Variants in PHF3 observed in about 807,000 individuals in gnomAD.
PHF3 encodes the protein PHD finger protein 3.
Under a neutral mutation model 178.4 loss-of-function variants are expected in PHF3, and 41 were observed. The ratio of observed to expected loss-of-function variants is 0.23; its 90% CI spans 0.18 to 0.30. The LOEUF is 0.30. Among genes scored for constraint, PHF3 ranks in the 10% least tolerant of loss-of-function variants. PHF3 has a pLI of 1.00. For missense variants in PHF3, 2,346 were observed against 2,398.1 expected, an observed-to-expected ratio of 0.98 and a Z score of 0.45; for synonymous variants, 842 against 800.5, an observed-to-expected ratio of 1.05 and a Z score of -0.88.
chr6:63,650,970 A>G (rs1276538638), intron 2 of PHF3, among the ~76,000 whole-genome samples: 5 of 152,120 alleles, frequency 3.3e-5, no homozygotes, highest in African/African-American at 7.2e-5. Context: ...GAATCCAACT[A>G]CACATATAAG....
intron 1 of PHF3, among the ~76,000 whole-genome samples, chr6:63,637,579 T>G (rs1764397059): frequency 6.6e-6 from 1 of 152,238 alleles, no homozygotes; most frequent in Non-Finnish European, 1.5e-5. Flanking sequence ...TTTTCCCCAC[T>G]AATTTTTCTC....
intron 13 of PHF3, among the ~76,000 whole-genome samples, chr6:63,707,739 T>G (rs2149607929): frequency 6.6e-6 from 1 of 151,522 alleles, no homozygotes; most frequent in Admixed American, 6.6e-5. Context: ...TTTTTTTTTT[T>G]AAGGCTAACA....
intron 2 of PHF3, among the ~76,000 whole-genome samples, chr6:63,672,764 A>T (rs1765975860): frequency 6.6e-6 from 1 of 152,158 alleles, no homozygotes; most frequent in South Asian, 2.1e-4. Context: ...CTAACTTGGG[A>T]GTATGTGCCT....
chr6:63,669,092 A>C (rs1765800888), intron 2 of PHF3, among the ~76,000 whole-genome samples: 1 of 152,226 alleles, frequency 6.6e-6, no homozygotes, highest in Admixed American at 6.5e-5. Context: ...CACTGGTGAC[A>C]GGAAAATTGT....
In PHF3 at chr6:63,712,774, A is replaced by G; in HGVS notation, c.5186A>G (p.Gln1729Arg). 6.2e-7 allele frequency: 1 copy of G among 1,614,004 alleles called. No individual in the cohort carries two copies. Among genetic ancestry groups the G allele is most frequent in the Non-Finnish European group, 8.5e-7 (1 of 1,179,968 alleles). ...AACTCACCATCAGTAGAAAACATAC[A>G]GACTTCTCAAGCAGAACAAGCAAAA... is the stretch of plus-strand genomic sequence containing the variant. ...AQNSPSVENI[Q>R]TSQAEQAKPL... is the part of the protein sequence containing the mutation. The change falls in exon 16 of 16, where the codon CAG (glutamine) becomes CGG (arginine). Residue 1729 changes from glutamine to arginine, a missense_variant. This residue lies in a region of PHF3 where 839 missense variants were observed against 806.9 expected (regional missense o/e 1.04). Coordinates refer to ENST00000262043, the MANE Select transcript of PHF3 (RefSeq NM_001370348.2).
At chr6:63,700,308 A>C in intron 8 of PHF3, 42 bp from the exon 9 acceptor site, 1 of 919,420 alleles carries the variant, frequency 1.1e-6, no homozygotes, top group Non-Finnish European at 1.7e-6. Context: ...GCCACTCAAA[A>C]TGTTTGTCTC....
intron 2 of PHF3, among the ~76,000 whole-genome samples, chr6:63,671,300 T>C (rs1338863746): frequency 6.6e-6 from 1 of 152,230 alleles, no homozygotes; most frequent in Non-Finnish European, 1.5e-5. Context: ...TTTCCAGTGC[T>C]GGAGGATAGA....
Position 63,716,097 on chromosome 6 carries a change from T to G in PHF3, c.*2389T>G, listed in dbSNP as rs1338981569. Among the ~76,000 whole-genome samples the G allele has an allele frequency of 2.0e-5, 3 of 152,162 alleles. No homozygotes were observed. Among genetic ancestry groups the G allele is most frequent in the Non-Finnish European group, 4.4e-5 (3 of 68,028 alleles). ...CTTTGTGGCAATCAGAAAGCCTCCT[T>G]GAGCCCTCTGTAAGGCATCCCTGGT... On this transcript the variant is annotated 3_prime_UTR_variant, in exon 16 of 16. Coordinates refer to ENST00000262043, the MANE Select transcript of PHF3 (RefSeq NM_001370348.2).
chr6:63,717,528 A>G lies in PHF3; in HGVS notation c.*3820A>G, dbSNP rs1418788422. Among the ~76,000 whole-genome samples, 1 of 149,930 alleles carries G rather than the reference A, an allele frequency of 6.7e-6. No individual in the cohort carries two copies. The highest frequency in any genetic ancestry group is 1.5e-5 in the Non-Finnish European group (1 of 67,526). On this transcript the variant is annotated 3_prime_UTR_variant, in exon 16 of 16. Transcript: ENST00000262043. ...TCTTTGATTTCTGTTTCACAATTAT[A>G]GTAATATGTAGAGCAAAAAAGTAGT...
intron 4 of PHF3, among the ~76,000 whole-genome samples, chr6:63,688,732 C>T (rs982316839): frequency 6.6e-6 from 1 of 152,152 alleles, no homozygotes; most frequent in African/African-American, 2.4e-5. Context: ...TCAGAAAATG[C>T]ACCTGTCATG....
intron 8 of PHF3, among the ~76,000 whole-genome samples, chr6:63,698,972 A>G (rs888546251): frequency 6.6e-6 from 1 of 152,216 alleles, no homozygotes. Context: ...TTTTGTACTT[A>G]AATCTGAAGA....
intron 13 of PHF3, among the ~76,000 whole-genome samples, chr6:63,708,668 A>G (rs1420250104): frequency 6.6e-6 from 1 of 152,204 alleles, no homozygotes; most frequent in East Asian, 1.9e-4. Context: ...ATGCCTTTAA[A>G]AAAATAAACC....
intron 4 of PHF3, among the ~76,000 whole-genome samples, chr6:63,690,935 T>C (rs1766971728): frequency 6.6e-6 from 1 of 152,184 alleles, no homozygotes; most frequent in Non-Finnish European, 1.5e-5. Flanking sequence ...AGTGAAGTTA[T>C]TACTTAGCTA....
In PHF3 at chr6:63,717,015, G is replaced by C. The variant is rs902559943; in HGVS notation, c.*3307G>C. 1.3e-5 allele frequency among the ~76,000 whole-genome samples: 2 copies of C among 151,946 alleles called. No homozygotes were observed. The highest frequency in any genetic ancestry group is 2.9e-5 in the Non-Finnish European group (2 of 67,962). On this transcript the variant is annotated 3_prime_UTR_variant, in exon 16 of 16. Coordinates refer to ENST00000262043, the MANE Select transcript of PHF3 (RefSeq NM_001370348.2). ...TTTGGGGGATTATCATCTACCAACA[G>C]CCCTTGACTTACTAATTGTAGTTTA...
chr6:63,723,966 G>T lies in PHF3; in HGVS notation c.*10258G>T, dbSNP rs1768514522. On this transcript the variant is annotated 3_prime_UTR_variant, in exon 16 of 16. Transcript: ENST00000262043. ...GGGACTACAGGCACTGGCCATCACGGCCGGCTAATTTTTGTATTTTGGGTA... is the reference window on the plus strand; with the variant it reads ...GGGACTACAGGCACTGGCCATCACGTCCGGCTAATTTTTGTATTTTGGGTA... Among the ~76,000 whole-genome samples, 1 of 151,862 alleles carries T rather than the reference G, an allele frequency of 6.6e-6. No individual in the cohort carries two copies. The highest frequency in any genetic ancestry group is 1.5e-5 in the Non-Finnish European group (1 of 67,934).
rs143313647 is a variant in PHF3, at chr6:63,685,739, C to T, written c.2017C>T (p.Arg673Cys). The T allele has an allele frequency of 1.8e-5, 29 of 1,614,062 alleles. No homozygotes were observed. The highest frequency in any genetic ancestry group is 6.7e-5 in the East Asian group (3 of 44,882). ...AAAACCTGAGAAGAACCTACAACCC[C>T]GCCAAAGAAGAAGCAGCAAAAGTTT... ...LKKPEKNLQP[R>C]QRRSSKSFSL... Residue 673 changes from arginine to cysteine, a missense_variant, in exon 4 of 16, where the codon CGC becomes TGC. Around this residue, in one of 8 missense-constraint regions of PHF3, gnomAD observed 843 missense variants for 795.2 expected, o/e 1.06. Coordinates refer to ENST00000262043, the MANE Select transcript of PHF3 (RefSeq NM_001370348.2).
chr6:63,682,463 G>A (rs1426728287), intron 3 of PHF3, among the ~76,000 whole-genome samples: 2 of 151,876 alleles, frequency 1.3e-5, no homozygotes, highest in Non-Finnish European at 2.9e-5. Flanking sequence ...TTCCTCTCTC[G>A]TTCTTCCTTG....
chr6:63,704,003 G>T (rs1767588560), intron 11 of PHF3, among the ~76,000 whole-genome samples: 1 of 152,106 alleles, frequency 6.6e-6, no homozygotes, highest in Admixed American at 6.6e-5. Flanking sequence ...TAAAGTAAAG[G>T]AGTAAAATAG....
Position 63,712,592 on chromosome 6 carries a change from A to G in PHF3, c.5004A>G (p.Lys1668=). 1 of 1,613,944 alleles carries G rather than the reference A, an allele frequency of 6.2e-7. No individual in the cohort carries two copies. Among genetic ancestry groups the G allele is most frequent in the Non-Finnish European group, 8.5e-7 (1 of 1,179,940 alleles). The change falls in exon 16 of 16, where the codon AAA becomes AAG. Residue 1668 remains lysine, a synonymous_variant. Coordinates refer to ENST00000262043, the MANE Select transcript of PHF3 (RefSeq NM_001370348.2). ...AGCCTGTAACTACTTCAGAAAGCAA[A>G]GATGGAGATAGTTGCCGGAATGGAG... is the stretch of plus-strand genomic sequence containing the variant. ...RSQPVTTSES[K]DGDSCRNGEK...
Sources: gnomAD v4.1 joint callset for allele counts (sites outside exome capture counted in the v4.1 genomes callset) on GRCh38, gnomAD v4.1.1 for gene constraint, gnomAD v4.1.1 regional missense constraint, MANE v1.5 for transcripts, NCBI Gene and HGNC (gene_info 2026-07-23, HGNC 2026-07-21) for gene names.